SERTAD4: variants seen among roughly 807,000 people sequenced by gnomAD.
SERTAD4 encodes the protein SERTA domain containing 4, also known as SERTA domain-containing protein 4.
SERTAD4 carries 18 observed loss-of-function variants against 32.9 expected under a neutral mutation model. The ratio of observed to expected loss-of-function variants is 0.55; its 90% CI spans 0.38 to 0.81. The LOEUF (loss-of-function observed/expected upper bound fraction) is 0.81, where lower values mean the gene tolerates loss of function less well. Ranked by LOEUF, SERTAD4 falls within the 30% of genes least tolerant of loss-of-function variation. The probability of loss-of-function intolerance (pLI) is 0.00; values close to 1 mark genes in which losing one functional copy is unlikely to be tolerated. For synonymous variants in SERTAD4, 150 were observed against 156.4 expected (o/e 0.96, Z 0.30); for missense variants, 383 against 426.0 (o/e 0.90, Z 0.89).
At chr1:210,236,707 ACAAT>A (rs1229190375) in intron 1 of SERTAD4, among the ~76,000 whole-genome samples, 1 of 152,224 alleles carries the variant, frequency 6.6e-6, no homozygotes, top group Non-Finnish European at 1.5e-5. Context: ...TGTTTGAAAG[ACAAT>A]CAATCTTCAG....
At chr1:210,233,984 GTTT>G (rs36086035) in intron 1 of SERTAD4, 38,491 of 338,848 alleles carry the variant, frequency 0.11, 1,551 homozygotes, top group East Asian at 0.29. Context: ...AGGAAACTTG[GTTT>G]TTTTTTTAAA....
Position 210,245,833 on chromosome 1 carries a change from A to G in SERTAD4, c.*3496A>G, listed in dbSNP as rs1162130600. 1 of 985,254 alleles carries G rather than the reference A, an allele frequency of 1.0e-6. No individual in the cohort carries two copies. Among genetic ancestry groups the G allele is most frequent in the Non-Finnish European group, 1.2e-6 (1 of 829,890 alleles). The allele number at this position is 985,254 out of a possible 1,614,324, so 61.0% of individuals were successfully genotyped here. ...CAGAGGACAACTTGTAGAAGACATG[A>G]CCATTAAGAGACATCAACTTCGCAA... On this transcript the variant is annotated 3_prime_UTR_variant, in exon 4 of 4. Transcript: ENST00000367012.
At position 210,244,283 on chromosome 1, in the gene SERTAD4, G is replaced by A. The variant is rs2084026712; in HGVS notation, c.*1946G>A. 1 of 152,144 alleles carries A rather than the reference G, an allele frequency of 6.6e-6. No individual in the cohort carries two copies. Among genetic ancestry groups the A allele is most frequent in the Non-Finnish European group, 1.5e-5 (1 of 68,036 alleles). The allele number at this position is 152,144 out of a possible 1,614,324, so 9.4% of individuals were successfully genotyped here. A position where few individuals can be genotyped will look rare whatever the true frequency, so the allele number is the denominator to read the frequency against. On this transcript the variant is annotated 3_prime_UTR_variant, in exon 4 of 4. Transcript: ENST00000367012. Reference sequence around the variant, plus strand: ...GTTTCAGAATGATCCTAGTTCGTAAGTTTAAGTTTCTATTGATTAAGAAGC... The same window carrying A: ...GTTTCAGAATGATCCTAGTTCGTAAATTTAAGTTTCTATTGATTAAGAAGC...
rs569824322 is a variant in SERTAD4, at chr1:210,239,165, A to G, written c.176-328A>G. Among the ~76,000 whole-genome samples, 13 of 152,318 alleles carry G rather than the reference A, an allele frequency of 8.5e-5. No individual in the cohort carries two copies. The South Asian group carries it at 2.7e-3, about 32-fold the overall frequency. On this transcript the variant is annotated intron_variant, in intron 2 of 3. Coordinates refer to ENST00000367012, the MANE Select transcript of SERTAD4 (RefSeq NM_019605.5). ...TCATGAATTTAATTAAACAATTTAAATAAATACTAATATATTTTAGAGAAA... is the reference window on the plus strand; with the variant it reads ...TCATGAATTTAATTAAACAATTTAAGTAAATACTAATATATTTTAGAGAAA...
In SERTAD4 at chr1:210,243,215, G is replaced by A. The variant is rs993799392; in HGVS notation, c.*878G>A. The A allele has an allele frequency of 3.5e-6, 3 of 859,806 alleles. No homozygotes were observed. In the African/African-American group the frequency reaches 5.6e-5, roughly 16 times the overall value. The allele number at this position is 859,806 out of a possible 1,614,324, so 53.3% of individuals were successfully genotyped here. ...TATTCTTTATTTTTGATGCCCAATT[G>A]CTTTTGGATTCGCCGTTTTTTCAAT... On this transcript the variant is annotated 3_prime_UTR_variant, in exon 4 of 4. Coordinates refer to ENST00000367012, the MANE Select transcript of SERTAD4 (RefSeq NM_019605.5).
chr1:210,246,564 C>T, downstream of SERTAD4: 1 of 985,148 alleles, frequency 1.0e-6, no homozygotes, highest in Non-Finnish European at 1.2e-6. Flanking sequence ...TTCTGCATTT[C>T]CCTTCAGTAT....
chr1:210,238,171 C>G (rs2083961355), intron 2 of SERTAD4, 36 bp downstream of exon 2: 4 of 1,300,802 alleles, frequency 3.1e-6, no homozygotes, highest in Non-Finnish European at 4.3e-6. Context: ...CCCCCCACCC[C>G]TCGCTGCCCT....
intron 3 of SERTAD4, 23 bp from the exon 4 acceptor site, chr1:210,241,534 CT>C (rs77835150): frequency 0.098 from 94,186 of 962,156 alleles, 61 homozygotes; most frequent in Middle Eastern, 0.11. Context: ...TTGTTTTTTT[CT>C]TTTTTTTTTT....
chr1:210,241,486 T>G, intron 3 of SERTAD4, 72 bp from the exon 4 acceptor site: 1 of 1,415,146 alleles, frequency 7.1e-7, no homozygotes, highest in South Asian at 1.4e-5. Context: ...TGTTTTCATA[T>G]AGTCCATTTT....
intron 1 of SERTAD4, among the ~76,000 whole-genome samples, chr1:210,237,703 T>G (rs1358982633): frequency 2.0e-5 from 3 of 152,044 alleles, no homozygotes; most frequent in Non-Finnish European, 2.9e-5. Flanking sequence ...CAATAAGAAA[T>G]GGGGTTTTAA....
chr1:210,237,927 T>C lies in SERTAD4; in HGVS notation c.-17-17T>C, dbSNP rs991558068. 3.2e-6 allele frequency: 5 copies of C among 1,580,310 alleles called. No homozygotes were observed. The highest frequency in any genetic ancestry group is 4.3e-6 in the Non-Finnish European group (5 of 1,165,060). ...GGCTGTTTTCTTCATTCTTGTTTTT[T>C]TTTTTTTTCTTTTCAGATCTGAGGC... On this transcript the variant is annotated splice_polypyrimidine_tract_variant and intron_variant, in intron 1 of 3. Transcript: ENST00000367012.
Position 210,243,093 on chromosome 1 carries a change from C to CAAA in SERTAD4, c.*776_*778dup, listed in dbSNP as rs57426441. 0.044 allele frequency: 19,535 copies of CAAA among 447,082 alleles called. 83 individuals carry two copies. Among genetic ancestry groups the CAAA allele is most frequent in the African/African-American group, 0.058 (1,828 of 31,250 alleles). The allele number at this position is 447,082 out of a possible 1,614,324, so 27.7% of individuals were successfully genotyped here. On this transcript the variant is annotated 3_prime_UTR_variant, in exon 4 of 4. Transcript: ENST00000367012. ...TACAGCAGGGATTTAACAAACAGGA[C>CAAA]AAAAAAAAAAAAAAAAAAAAAACCA...
At chr1:210,236,049 A>G (rs918295029) in intron 1 of SERTAD4, among the ~76,000 whole-genome samples, 1 of 152,226 alleles carries the variant, frequency 6.6e-6, no homozygotes, top group African/African-American at 2.4e-5. Context: ...AAACTGGACA[A>G]TTTCATGAGA....
chr1:210,234,257 C>A (rs1300271740), intron 1 of SERTAD4, among the ~76,000 whole-genome samples: 1 of 151,790 alleles, frequency 6.6e-6, no homozygotes, highest in African/African-American at 2.4e-5. Context: ...TTCAAGAGGT[C>A]GGCCCTCCAA....
chr1:210,233,982 T>C, intron 1 of SERTAD4: 1 of 340,976 alleles, frequency 2.9e-6, no homozygotes. Context: ...GAAGGAAACT[T>C]GGTTTTTTTT....
At chr1:210,238,690 C>T (rs1419262446) in intron 2 of SERTAD4, among the ~76,000 whole-genome samples, 1 of 152,160 alleles carries the variant, frequency 6.6e-6, no homozygotes, top group Non-Finnish European at 1.5e-5. Context: ...AAATTTGCAA[C>T]CTATGGCATA....
chr1:210,239,751 C>T (rs950098680), intron 3 of SERTAD4, 143 bp downstream of exon 3: 4 of 530,484 alleles, frequency 7.5e-6, no homozygotes, highest in South Asian at 3.3e-5. Context: ...TAATCGTTGT[C>T]GCTTTTTTGG....
rs2084021242 is a variant in SERTAD4 at position 210,243,565 on chromosome 1, T to C, written c.*1228T>C. 1 of 152,222 alleles carries C rather than the reference T, an allele frequency of 6.6e-6. No homozygotes were observed. The highest frequency in any genetic ancestry group is 6.5e-5 in the Admixed American group (1 of 15,278). The allele number at this position is 152,222 out of a possible 1,614,324, so 9.4% of individuals were successfully genotyped here. A position where few individuals can be genotyped will look rare whatever the true frequency, so the allele number is the denominator to read the frequency against. Reference sequence around the variant, plus strand: ...TGTAAAGACTTTAGGTTTTTGAAAGTTATTTTGGAGAAATGGGACTTAATC... The same window carrying C: ...TGTAAAGACTTTAGGTTTTTGAAAGCTATTTTGGAGAAATGGGACTTAATC... On this transcript the variant is annotated 3_prime_UTR_variant, in exon 4 of 4. Transcript: ENST00000367012.
chr1:210,241,733 T>G lies in SERTAD4; in HGVS notation c.467T>G (p.Phe156Cys). 1 of 1,614,156 alleles carries G rather than the reference T, an allele frequency of 6.2e-7. No individual in the cohort carries two copies. ...AACTGGTGCTTCCCTGCCTGCTCTT[T>G]CAATGGCACCTCTGCCCAAGAGTGG... ...QNNWCFPACS[F>C]NGTSAQEWFM... The change falls in exon 4 of 4, where the codon TTC becomes TGC. Residue 156 changes from phenylalanine to cysteine, a missense_variant. Physicochemically the swap from Phe to Cys is radical, Grantham distance 205 (BLOSUM62 -2). This residue lies in a region of SERTAD4 where 107 missense variants were observed against 158.8 expected (regional missense o/e 0.67). Coordinates refer to ENST00000367012, the MANE Select transcript of SERTAD4 (RefSeq NM_019605.5).
Sources: allele counts gnomAD v4.1 joint callset (sites outside exome capture counted in the v4.1 genomes callset), GRCh38; gene constraint gnomAD v4.1.1; regional missense constraint gnomAD v4.1.1; transcripts MANE v1.5; gene names NCBI Gene and HGNC (gene_info 2026-07-23, HGNC 2026-07-21).